The following MYO3B variants were observed in gnomAD, a reference collection of about 807,000 sequenced individuals.
MYO3B encodes myosin IIIB.
MYO3B carries 156 observed loss-of-function variants against 174.6 expected under a neutral mutation model. The ratio of observed to expected loss-of-function variants is 0.89; its 90% confidence interval spans 0.78 to 1.02. The LOEUF (loss-of-function observed/expected upper bound fraction) is 1.02, where lower values mean the gene tolerates loss of function less well. Among genes scored for constraint, MYO3B ranks in the 50% least tolerant of loss-of-function variants. MYO3B has a pLI of 0.00. For synonymous variants in MYO3B, 563 were observed against 569.1 expected, an observed-to-expected ratio of 0.99 and a Z score of 0.15; for missense variants, 1,632 against 1,639.4, an observed-to-expected ratio of 1.00 and a Z score of 0.08.
chr2:170,599,315 C>T (rs1484954332), intron 32 of MYO3B, among the ~76,000 whole-genome samples: 3 of 152,160 alleles, frequency 2.0e-5, no homozygotes, highest in Non-Finnish European at 4.4e-5. Context: ...AAGGTGTATA[C>T]AATCTGTTTT....
intron 7 of MYO3B, among the ~76,000 whole-genome samples, chr2:170,329,972 A>G: frequency 6.6e-6 from 1 of 151,662 alleles, no homozygotes; most frequent in Non-Finnish European, 1.5e-5. Flanking sequence ...TGCTTTTATG[A>G]GTAAGGAAAT....
intron 30 of MYO3B, among the ~76,000 whole-genome samples, chr2:170,535,652 G>C (rs932021424): frequency 6.6e-6 from 1 of 152,192 alleles, no homozygotes; most frequent in Non-Finnish European, 1.5e-5. Context: ...CCAAGCTTGG[G>C]TTTCCTGGTC....
At chr2:170,315,317 CTTT>C (rs11322354) in intron 7 of MYO3B, among the ~76,000 whole-genome samples, 7 of 143,748 alleles carry the variant, frequency 4.9e-5, no homozygotes, top group Admixed American at 6.9e-5. Context: ...ACTTATAATT[CTTT>C]TTTTTTTTTT....
At chr2:170,268,705 A>G (rs1017309710) in intron 7 of MYO3B, among the ~76,000 whole-genome samples, 10 of 152,174 alleles carry the variant, frequency 6.6e-5, no homozygotes, top group African/African-American at 2.4e-4. Context: ...TGATAAATAA[A>G]GGGGTACCAA....
chr2:170,461,296 G>C (rs1395685918), intron 23 of MYO3B, among the ~76,000 whole-genome samples: 2 of 149,436 alleles, frequency 1.3e-5, no homozygotes, highest in African/African-American at 4.9e-5. Context: ...CCAACATGGA[G>C]AAGCCCTGTC....
intron 32 of MYO3B, among the ~76,000 whole-genome samples, chr2:170,627,048 G>C (rs1272554367): frequency 6.6e-6 from 1 of 151,902 alleles, no homozygotes; most frequent in African/African-American, 2.4e-5. Flanking sequence ...TTCTCCAGGA[G>C]TATCTATCTT....
chr2:170,195,834 T>A (rs1249221699), intron 1 of MYO3B, among the ~76,000 whole-genome samples: 4 of 152,174 alleles, frequency 2.6e-5, no homozygotes, highest in Non-Finnish European at 5.9e-5. Flanking sequence ...CCCTGCAGCA[T>A]GTCCTATGAG....
chr2:170,497,355 G>A (rs991975387), intron 25 of MYO3B, among the ~76,000 whole-genome samples: 4 of 152,186 alleles, frequency 2.6e-5, no homozygotes, highest in African/African-American at 4.8e-5. Context: ...GGTGGCTCAC[G>A]CCTGTAATCC....
chr2:170,400,448 C>T (rs1574917951), intron 17 of MYO3B, 134 bp downstream of exon 17: 2 of 1,125,694 alleles, frequency 1.8e-6, no homozygotes, highest in South Asian at 3.2e-5. Context: ...CTCTGTCATC[C>T]AGGCTGGAGT....
At chr2:170,614,784 T>G (rs937826340) in intron 32 of MYO3B, among the ~76,000 whole-genome samples, 5 of 152,170 alleles carry the variant, frequency 3.3e-5, no homozygotes, top group Admixed American at 6.5e-5. Context: ...GTCCTGACTC[T>G]CAGAGAATTC....
intron 32 of MYO3B, among the ~76,000 whole-genome samples, chr2:170,618,407 C>T (rs1695606515): frequency 6.6e-6 from 1 of 152,112 alleles, no homozygotes; most frequent in African/African-American, 2.4e-5. Flanking sequence ...TTCAGGATGG[C>T]TGTCTGGATT....
rs766676996 is a variant in MYO3B, at chr2:170,650,672, CTTTTTTTTT to C, written c.3734-935_3734-927del. On this transcript the variant is annotated intron_variant, in intron 32 of 34. Transcript: ENST00000408978. ...TGCTTGGAAGGGAAATGAATTATGA[CTTTTTTTTT>C]TTTTTTTTTTTTTTTTTTTTGAGAT... Among the ~76,000 whole-genome samples, 96 of 76,990 alleles carry C rather than the reference CTTTTTTTTT, an allele frequency of 1.2e-3. 1 individual carries two copies. The highest frequency in any genetic ancestry group is 1.9e-3 in the Non-Finnish European group (84 of 44,238). The allele number at this position is 76,990 out of a possible 152,430, so 50.5% of individuals were successfully genotyped here. A position where few individuals can be genotyped will look rare whatever the true frequency, so the allele number is the denominator to read the frequency against.
intron 25 of MYO3B, among the ~76,000 whole-genome samples, chr2:170,492,685 C>T (rs1686568692): frequency 6.6e-6 from 1 of 152,190 alleles, no homozygotes; most frequent in Non-Finnish European, 1.5e-5. Flanking sequence ...CCATGGTGCC[C>T]TCAGTCTCTC....
intron 22 of MYO3B, among the ~76,000 whole-genome samples, chr2:170,424,030 A>G (rs890151638): frequency 6.6e-6 from 1 of 152,224 alleles, no homozygotes; most frequent in African/African-American, 2.4e-5. Flanking sequence ...TAAGATTTCC[A>G]TGACCAAAAA....
intron 32 of MYO3B, among the ~76,000 whole-genome samples, chr2:170,545,761 G>C (rs1690442707): frequency 1.3e-5 from 2 of 151,824 alleles, no homozygotes; most frequent in Admixed American, 6.6e-5. Flanking sequence ...TTTTCTATTG[G>C]GTCTGCCACC....
intron 15 of MYO3B, 21 bp downstream of exon 15, chr2:170,391,639 T>C: frequency 4.5e-6 from 6 of 1,346,134 alleles, no homozygotes; most frequent in Non-Finnish European, 6.2e-6. Context: ...GGGGGGTTGG[T>C]TGTTAATTTT....
chr2:170,210,595 A>T (rs2092759631), intron 3 of MYO3B, among the ~76,000 whole-genome samples: 3 of 152,246 alleles, frequency 2.0e-5, no homozygotes. Context: ...CCCAGGCCTT[A>T]CTAATTGTCA....
chr2:170,492,118 T>G (rs1318194552), intron 25 of MYO3B, among the ~76,000 whole-genome samples: 1 of 152,160 alleles, frequency 6.6e-6, no homozygotes, highest in Non-Finnish European at 1.5e-5. Context: ...TGACTAATAT[T>G]TCCTCACTAT....
intron 7 of MYO3B, among the ~76,000 whole-genome samples, chr2:170,269,680 G>A (rs1377837143): frequency 6.6e-6 from 1 of 152,152 alleles, no homozygotes; most frequent in African/African-American, 2.4e-5. Context: ...TTAATATTAG[G>A]AAAAACTAAC....
Sources: gnomAD v4.1 joint callset for allele counts (sites outside exome capture counted in the v4.1 genomes callset) on GRCh38, gnomAD v4.1.1 for gene constraint, MANE v1.5 for transcripts, NCBI Gene and HGNC (gene_info 2026-07-23, HGNC 2026-07-21) for gene names.